The following FZD3 variants were observed in gnomAD, a reference collection of about 807,000 sequenced individuals.
The protein encoded by FZD3 is frizzled-3.
FZD3 carries 30 observed loss-of-function variants against 60.7 expected under a neutral mutation model. The observed-to-expected ratio is 0.49, with a 90% CI of 0.37 to 0.67. The LOEUF is 0.67. Among genes scored for constraint, FZD3 ranks in the 30% least tolerant of loss-of-function variants. The pLI, the probability that FZD3 is intolerant of heterozygous loss-of-function variation, is 0.00. For synonymous variants in FZD3, 246 were observed against 275.2 expected, an observed-to-expected ratio of 0.89 and a Z score of 1.05; for missense variants, 605 against 838.7, an observed-to-expected ratio of 0.72 and a Z score of 3.44.
chr8:28,542,217 C>T (rs1441536574), intron 5 of FZD3, among the ~76,000 whole-genome samples: 1 of 151,342 alleles, frequency 6.6e-6, no homozygotes, highest in African/African-American at 2.4e-5. Flanking sequence ...TTGCTGGCCT[C>T]TTTGTTATTG....
chr8:28,526,862 A>G (rs1216561290), intron 4 of FZD3, among the ~76,000 whole-genome samples: 1 of 152,208 alleles, frequency 6.6e-6, no homozygotes, highest in Non-Finnish European at 1.5e-5. Context: ...ATTCATGACA[A>G]CGGTCTCCTT....
In FZD3 at chr8:28,527,252, G is replaced by A. The variant is rs2130373147; in HGVS notation, c.492G>A (p.Trp164Ter). ...PVAVQRDYGF[W>*]CPRELKIDPD... Reference sequence around the variant, plus strand: ...CAGTGCAGAGAGACTATGGTTTTTGGTGTCCCCGAGAGTTAAAAATTGATC... The same window carrying A: ...CAGTGCAGAGAGACTATGGTTTTTGATGTCCCCGAGAGTTAAAAATTGATC... Residue 164 changes from tryptophan to a stop codon, truncating the protein, a stop_gained, in exon 5 of 8, where the codon TGG (tryptophan) becomes TGA (stop). Transcript: ENST00000240093. LOFTEE classifies it high-confidence loss of function. The surrounding 1 kb of genome is among the most constrained non-coding windows in gnomAD (Gnocchi z 5.0). 6.2e-7 allele frequency: 1 copy of A among 1,613,872 alleles called. No individual in the cohort carries two copies. The highest frequency in any genetic ancestry group is 2.2e-5 in the East Asian group (1 of 44,872).
At chr8:28,530,080 G>A (rs1383127584) in intron 5 of FZD3, among the ~76,000 whole-genome samples, 1 of 145,098 alleles carries the variant, frequency 6.9e-6, no homozygotes, top group Non-Finnish European at 1.5e-5. Flanking sequence ...GAGCTACACT[G>A]AAATATATCT....
intron 3 of FZD3, among the ~76,000 whole-genome samples, chr8:28,518,258 GT>G (rs1394127905): frequency 6.7e-6 from 1 of 148,244 alleles, no homozygotes; most frequent in Non-Finnish European, 1.5e-5. Flanking sequence ...TAGTCTTGCT[GT>G]TTTGCCCAGG....
At chr8:28,548,948 A>ATAGTT (rs1362806290) in intron 5 of FZD3, among the ~76,000 whole-genome samples, 1 of 152,172 alleles carries the variant, frequency 6.6e-6, no homozygotes, top group Admixed American at 6.5e-5. Flanking sequence ...CTCTTTTGTT[A>ATAGTT]TAGTTTGTAT....
intron 3 of FZD3, among the ~76,000 whole-genome samples, chr8:28,512,743 T>C (rs2130318172): frequency 6.6e-6 from 1 of 152,210 alleles, no homozygotes; most frequent in South Asian, 2.1e-4. Context: ...GCTAAGGTGA[T>C]TCAAAGAGAG....
chr8:28,495,518 CT>C (rs1408691215), intron 1 of FZD3, among the ~76,000 whole-genome samples: 2 of 152,166 alleles, frequency 1.3e-5, no homozygotes, highest in African/African-American at 4.8e-5. Flanking sequence ...CTGACTACCC[CT>C]GGGGATGTTA....
At chr8:28,529,422 CT>C (rs1804804118) in intron 5 of FZD3, among the ~76,000 whole-genome samples, 1 of 152,194 alleles carries the variant, frequency 6.6e-6, no homozygotes, top group Middle Eastern at 3.4e-3. Flanking sequence ...TCTGTTTCCC[CT>C]ATTACTATAC....
rs1563389136 is a variant in FZD3, at chr8:28,520,845, C to T, written c.386+11C>T. 1 of 1,466,966 alleles carries T rather than the reference C, an allele frequency of 6.8e-7. No individual in the cohort carries two copies. The highest frequency in any genetic ancestry group is 9.3e-7 in the Non-Finnish European group (1 of 1,070,292). The allele number at this position is 1,466,966 out of a possible 1,614,324, so 90.9% of individuals were successfully genotyped here. A position where few individuals can be genotyped will look rare whatever the true frequency, so the allele number is the denominator to read the frequency against. ...TATGGAATGCAGTAGGTGCGAAAAT[C>T]ATAGATTTTCATGGATCATTTCTTA... is the stretch of plus-strand genomic sequence containing the variant. On this transcript the variant is annotated intron_variant, in intron 4 of 7. Coordinates refer to ENST00000240093, the MANE Select transcript of FZD3 (RefSeq NM_017412.4).
At chr8:28,495,297 C>A (rs1563376909) in intron 1 of FZD3, among the ~76,000 whole-genome samples, 1 of 152,088 alleles carries the variant, frequency 6.6e-6, no homozygotes, top group Admixed American at 6.5e-5. Flanking sequence ...CGGCGGTTTG[C>A]CCAGTGTAGA....
chr8:28,537,375 T>C (rs1805043056), intron 5 of FZD3, among the ~76,000 whole-genome samples: 1 of 152,254 alleles, frequency 6.6e-6, no homozygotes. Flanking sequence ...AAATACCTGA[T>C]ATGCAAATAG....
chr8:28,565,742 T>C lies in FZD3; in HGVS notation c.*2731T>C, dbSNP rs1805694294. The C allele has an allele frequency of 6.6e-6, 1 of 152,182 alleles. No individual in the cohort carries two copies. Among genetic ancestry groups the C allele is most frequent in the Admixed American group, 6.5e-5 (1 of 15,284 alleles). 9.4% of individuals were successfully genotyped at this position (152,182 alleles called of 1,614,324 possible). ...TTTGTCCCACAAAATTTATGTAATA[T>C]TAATCCATGGTTTTAAACAACAGTA... On this transcript the variant is annotated 3_prime_UTR_variant, in exon 8 of 8. Transcript: ENST00000240093.
rs1342120492 is a variant in FZD3, at chr8:28,518,491, T to C, written c.190-2147T>C. Among the ~76,000 whole-genome samples the C allele has an allele frequency of 2.6e-5, 4 of 152,210 alleles. No individual in the cohort carries two copies. In the East Asian group the frequency reaches 7.7e-4, roughly 29 times the overall value. On this transcript the variant is annotated intron_variant, in intron 3 of 7. Coordinates refer to ENST00000240093, the MANE Select transcript of FZD3 (RefSeq NM_017412.4). ...GGACTTCTCAGCAGAAAGTCTGGTA[T>C]GTTGAGATGCTGTGCAGAGGTTGAA... is the stretch of plus-strand genomic sequence containing the variant.
Position 28,522,228 on chromosome 8 carries a change from A to G in FZD3, c.386+1394A>G, listed in dbSNP as rs1804599484. Among the ~76,000 whole-genome samples, 3 of 149,726 alleles carry G rather than the reference A, an allele frequency of 2.0e-5. No individual in the cohort carries two copies. In the South Asian group the frequency reaches 6.3e-4, roughly 31 times the overall value. On this transcript the variant is annotated intron_variant, in intron 4 of 7. Coordinates refer to ENST00000240093, the MANE Select transcript of FZD3 (RefSeq NM_017412.4). ...CAAGCGATTCTCCTGCCTTAGCCTC[A>G]TGGATACCAATTTGTTTTCTTACAA...
At position 28,555,758 on chromosome 8, in the gene FZD3, A is replaced by T; in HGVS notation, c.1574A>T (p.Gln525Leu). ...RKKEIVNESR[Q>L]VLQEPDFAQS... ...TCTAGGATAGTGAATGAGAGCCGAC[A>T]GGTACTCCAGGAACCTGATTTTGCT... The change falls in exon 7 of 8, where the codon CAG becomes CTG. Residue 525 changes from glutamine (Q) to leucine (L), a missense_variant. Coordinates refer to ENST00000240093, the MANE Select transcript of FZD3 (RefSeq NM_017412.4). 3 of 1,608,930 alleles carry T rather than the reference A, an allele frequency of 1.9e-6. No individual in the cohort carries two copies. The highest frequency in any genetic ancestry group is 2.6e-6 in the Non-Finnish European group (3 of 1,175,210).
chr8:28,555,936 C>T lies in FZD3; in HGVS notation c.1752C>T (p.Ser584=), dbSNP rs769763531. 15 of 1,613,446 alleles carry T rather than the reference C, an allele frequency of 9.3e-6. No individual in the cohort carries two copies. The highest frequency in any genetic ancestry group is 1.6e-4 in the Middle Eastern group (1 of 6,084). ...KAGSIHSKVS[S]YHGSLHRSRD... ...GAAGCATCCACAGCAAAGTGAGCAG[C>T]TACCACGGCAGCCTCCACAGATCAC... The change falls in exon 7 of 8, where the codon AGC becomes AGT. Residue 584 remains serine, a synonymous_variant. Coordinates refer to ENST00000240093, the MANE Select transcript of FZD3 (RefSeq NM_017412.4).
chr8:28,510,283 C>G (rs1407497402), intron 3 of FZD3, among the ~76,000 whole-genome samples: 3 of 152,168 alleles, frequency 2.0e-5, no homozygotes, highest in Non-Finnish European at 2.9e-5. Context: ...TTTACTGTTA[C>G]AATGTTGCAA....
chr8:28,540,083 A>C (rs1200993934), intron 5 of FZD3, among the ~76,000 whole-genome samples: 1 of 152,182 alleles, frequency 6.6e-6, no homozygotes, highest in African/African-American at 2.4e-5. Flanking sequence ...TCAGTGATTC[A>C]GAAGATAGTG....
In FZD3 at chr8:28,563,085, T is replaced by C; in HGVS notation, c.*74T>C. 1 of 922,834 alleles carries C rather than the reference T, an allele frequency of 1.1e-6. No homozygotes were observed. The highest frequency in any genetic ancestry group is 1.8e-6 in the Non-Finnish European group (1 of 555,692). The allele number at this position is 922,834 out of a possible 1,614,324, so 57.2% of individuals were successfully genotyped here. A position where few individuals can be genotyped will look rare whatever the true frequency, so the allele number is the denominator to read the frequency against. ...TATTCTTTGCCTTTTGCATGACTGA[T>C]AGCTGTAACTCACAGTTAACATGCT... On this transcript the variant is annotated 3_prime_UTR_variant, in exon 8 of 8. Transcript: ENST00000240093.
Sources: gnomAD v4.1 joint callset for allele counts (sites outside exome capture counted in the v4.1 genomes callset) on GRCh38, gnomAD v4.1.1 for gene constraint, Gnocchi (gnomAD v3.1) non-coding constraint, MANE v1.5 for transcripts, NCBI Gene and HGNC (gene_info 2026-07-23, HGNC 2026-07-21) for gene names.